MACROD2: variants seen among roughly 807,000 people sequenced by gnomAD.
MACROD2 encodes the protein mono-ADP ribosylhydrolase 2.
MACROD2 carries 36 observed loss-of-function variants against 70.4 expected under a neutral mutation model. The ratio of observed to expected loss-of-function variants is 0.51; its 90% CI spans 0.39 to 0.68. The LOEUF (loss-of-function observed/expected upper bound fraction) is 0.68, where lower values mean the gene tolerates loss of function less well. Among genes scored for constraint, MACROD2 ranks in the 30% least tolerant of loss-of-function variants. MACROD2 has a pLI of 0.00. For synonymous variants in MACROD2, 172 were observed against 178.8 expected (o/e 0.96, Z 0.30); for missense variants, 496 against 538.4 (o/e 0.92, Z 0.78).
chr20:15,350,037 C>T (rs1037190832), intron 6 of MACROD2, among the ~76,000 whole-genome samples: 3 of 152,048 alleles, frequency 2.0e-5, no homozygotes, highest in Admixed American at 6.6e-5. Context: ...TGAGTCTAAA[C>T]GTGTAAGATT....
At position 15,817,818 on chromosome 20, in the gene MACROD2, A is replaced by G. The variant is rs1338317380; in HGVS notation, c.646-44927A>G. On this transcript the variant is annotated intron_variant, in intron 8 of 17. Coordinates refer to ENST00000684519, the MANE Select transcript of MACROD2 (RefSeq NM_001351661.2). ...ATTTTAATTGGGTTCTTTCCTCCCT[A>G]ATTAGTTTCAGAATAAAGCGTAGGT... 2.0e-5 allele frequency among the ~76,000 whole-genome samples: 3 copies of G among 152,102 alleles called. No homozygotes were observed. In the East Asian group the frequency reaches 5.8e-4, roughly 29 times the overall value.
rs537127491 is a variant in MACROD2 at position 15,114,958 on chromosome 20, T to C, written c.419-114982T>C. Among the ~76,000 whole-genome samples the C allele has an allele frequency of 1.1e-3, 165 of 152,292 alleles. 2 individuals are homozygous for C. Among genetic ancestry groups the C allele is most frequent in the Middle Eastern group, 0.01 (3 of 294 alleles). ...AAAAGAGGCTGTATGTGTTTGGAGC[T>C]GACTGATCCCAGCAGTGTTGCCCTG... On this transcript the variant is annotated intron_variant, in intron 5 of 17. Coordinates refer to ENST00000684519, the MANE Select transcript of MACROD2 (RefSeq NM_001351661.2).
At chr20:15,036,503 C>T (rs1404542650) in intron 5 of MACROD2, among the ~76,000 whole-genome samples, 2 of 152,148 alleles carry the variant, frequency 1.3e-5, no homozygotes, top group Non-Finnish European at 2.9e-5. Flanking sequence ...ACAAGCCCTT[C>T]AGCTGATTTC....
chr20:15,229,865 A>C, intron 5 of MACROD2, 75 bp from the exon 6 acceptor site: 1 of 1,402,896 alleles, frequency 7.1e-7, no homozygotes, highest in Non-Finnish European at 9.4e-7. Context: ...ACCTAAAATA[A>C]ATAAAGTATT....
At chr20:15,550,819 C>G (rs892945898) in intron 8 of MACROD2, among the ~76,000 whole-genome samples, 23 of 152,104 alleles carry the variant, frequency 1.5e-4, no homozygotes, top group Non-Finnish European at 3.1e-4. Flanking sequence ...AGCAATTTCT[C>G]ATAATATTAT....
intron 3 of MACROD2, among the ~76,000 whole-genome samples, chr20:14,251,606 A>G (rs2082012876): frequency 6.6e-6 from 1 of 152,124 alleles, no homozygotes; most frequent in African/African-American, 2.4e-5. Flanking sequence ...AGGAGCCAAA[A>G]TATTACCACT....
chr20:14,766,852 A>C (rs1231481628), intron 5 of MACROD2, among the ~76,000 whole-genome samples: 1 of 152,150 alleles, frequency 6.6e-6, no homozygotes, highest in East Asian at 1.9e-4. Context: ...CATATACTCA[A>C]AACAATTTTC....
chr20:14,500,536 TA>T (rs1204123619), intron 4 of MACROD2, among the ~76,000 whole-genome samples: 1 of 152,190 alleles, frequency 6.6e-6, no homozygotes, highest in Non-Finnish European at 1.5e-5. Context: ...TTTTTGTCAT[TA>T]AGCCTTCCAG....
chr20:14,194,341 C>G (rs1424048182), intron 3 of MACROD2, among the ~76,000 whole-genome samples: 1 of 152,168 alleles, frequency 6.6e-6, no homozygotes, highest in Non-Finnish European at 1.5e-5. Flanking sequence ...AGATTGGGAT[C>G]ACTTCCTGCT....
chr20:15,313,501 C>T (rs992931317), intron 6 of MACROD2, among the ~76,000 whole-genome samples: 31 of 123,574 alleles, frequency 2.5e-4, no homozygotes, highest in African/African-American at 6.5e-4. Context: ...AGCGAGACTC[C>T]GTCTCAAAAA....
At chr20:14,704,616 T>C (rs921541251) in intron 5 of MACROD2, among the ~76,000 whole-genome samples, 2 of 152,192 alleles carry the variant, frequency 1.3e-5, no homozygotes, top group Admixed American at 1.3e-4. Context: ...TTTTCCTCCC[T>C]CTAGCTTCAT....
chr20:14,348,263 C>T (rs1417773407), intron 3 of MACROD2, among the ~76,000 whole-genome samples: 7 of 65,646 alleles, frequency 1.1e-4, no homozygotes, highest in Admixed American at 5.4e-4. Flanking sequence ...AGCAAGACTC[C>T]GTCTCAAAAA....
At chr20:14,794,502 T>A (rs749395368) in intron 5 of MACROD2, among the ~76,000 whole-genome samples, 7 of 152,174 alleles carry the variant, frequency 4.6e-5, no homozygotes, top group Non-Finnish European at 8.8e-5. Flanking sequence ...AAACATTTAT[T>A]AAATGCAAAC....
chr20:15,336,576 T>C (rs746247904), intron 6 of MACROD2, among the ~76,000 whole-genome samples: 5 of 151,550 alleles, frequency 3.3e-5, no homozygotes, highest in Admixed American at 6.6e-5. Context: ...TCCTTTTCAA[T>C]GTGTTTATGT....
At chr20:14,913,153 G>A (rs2074049443) in intron 5 of MACROD2, among the ~76,000 whole-genome samples, 1 of 152,078 alleles carries the variant, frequency 6.6e-6, no homozygotes, top group Non-Finnish European at 1.5e-5. Flanking sequence ...ATACTTATAT[G>A]TACATGATAG....
intron 3 of MACROD2, among the ~76,000 whole-genome samples, chr20:14,206,008 T>A (rs2081519830): frequency 6.6e-6 from 1 of 152,202 alleles, no homozygotes; most frequent in African/African-American, 2.4e-5. Flanking sequence ...GTTAGTTTAG[T>A]AAACCACCCA....
At chr20:15,189,216 A>C (rs1452484397) in intron 5 of MACROD2, among the ~76,000 whole-genome samples, 1 of 151,454 alleles carries the variant, frequency 6.6e-6, no homozygotes, top group Non-Finnish European at 1.5e-5. Context: ...CTGCATGACT[A>C]CCATGAACAG....
chr20:15,831,287 C>T (rs1388776297), intron 8 of MACROD2, among the ~76,000 whole-genome samples: 1 of 152,122 alleles, frequency 6.6e-6, no homozygotes, highest in African/African-American at 2.4e-5. Flanking sequence ...GAAGGTCAGT[C>T]CTGAGTCTAT....
At chr20:15,768,924 C>T (rs1008880433) in intron 8 of MACROD2, among the ~76,000 whole-genome samples, 4 of 152,158 alleles carry the variant, frequency 2.6e-5, no homozygotes, top group African/African-American at 7.2e-5. Context: ...TATCTTCCAC[C>T]TCCACATCTT....
Sources: gnomAD v4.1 joint callset for allele counts (sites outside exome capture counted in the v4.1 genomes callset) on GRCh38, gnomAD v4.1.1 for gene constraint, MANE v1.5 for transcripts, NCBI Gene and HGNC (gene_info 2026-07-23, HGNC 2026-07-21) for gene names.